Variants in SIRPA observed in about 807,000 individuals in gnomAD.
SIRPA encodes the protein tyrosine-protein phosphatase non-receptor type substrate 1.
Under a neutral mutation model 50.3 loss-of-function variants are expected in SIRPA, and 9 were observed. The observed-to-expected ratio is 0.18, with a 90% CI of 0.11 to 0.31. The LOEUF is 0.31. Ranked by LOEUF, SIRPA falls within the 10% of genes least tolerant of loss-of-function variation. SIRPA has a pLI of 1.00. For synonymous variants in SIRPA, 265 were observed against 284.1 expected, an observed-to-expected ratio of 0.93 and a Z score of 0.68; for missense variants, 474 against 661.6, an observed-to-expected ratio of 0.72 and a Z score of 3.11.
At chr20:1,929,896 T>C (rs1986200862) in intron 6 of SIRPA, among the ~76,000 whole-genome samples, 1 of 152,156 alleles carries the variant, frequency 6.6e-6, no homozygotes, top group African/African-American at 2.4e-5. Context: ...CTGAGGCTCC[T>C]GGGCCCCTTG....
chr20:1,936,054 C>T lies in SIRPA; in HGVS notation c.1267-1266C>T, dbSNP rs1266065784. Among the ~76,000 whole-genome samples the T allele has an allele frequency of 6.6e-6, 1 of 152,064 alleles. No individual in the cohort carries two copies. The highest frequency in any genetic ancestry group is 1.5e-5 in the Non-Finnish European group (1 of 68,036). ...AGTGGAATAGATAATCCTTCCCAAGCAGGGTTGTGGTAAGAGTGGATGGGG... is the reference window on the plus strand; with the variant it reads ...AGTGGAATAGATAATCCTTCCCAAGTAGGGTTGTGGTAAGAGTGGATGGGG... On this transcript the variant is annotated intron_variant, in intron 7 of 7. Coordinates refer to ENST00000358771, the MANE Select transcript of SIRPA (RefSeq NM_001040023.2). The surrounding 1 kb of genome is among the most constrained non-coding windows in gnomAD (Gnocchi z 4.2).
chr20:1,905,490 C>CT (rs1984492052), intron 1 of SIRPA, among the ~76,000 whole-genome samples: 1 of 152,220 alleles, frequency 6.6e-6, no homozygotes. Context: ...GTTATCTGGC[C>CT]TAACCCATGC....
chr20:1,935,669 T>TG (rs1324588038), intron 7 of SIRPA, among the ~76,000 whole-genome samples: 4 of 152,204 alleles, frequency 2.6e-5, no homozygotes, highest in Admixed American at 1.3e-4. Context: ...TGGAATCTTC[T>TG]GGGGGAAAAA....
At chr20:1,903,011 CAAAAAAAAAAAA>C (rs58735842) in intron 1 of SIRPA, among the ~76,000 whole-genome samples, 1 of 90,888 alleles carries the variant, frequency 1.1e-5, no homozygotes, top group African/African-American at 4.2e-5. Flanking sequence ...GACTCTGTCT[CAAAAAAAAAAAA>C]AAAAAAAAAG....
At chr20:1,917,201 C>T (rs984588400) in intron 2 of SIRPA, among the ~76,000 whole-genome samples, 1 of 152,110 alleles carries the variant, frequency 6.6e-6, no homozygotes, top group Admixed American at 6.6e-5. Context: ...GGCACTTTCT[C>T]CTTTTATAAC....
At chr20:1,896,425 C>T (rs1437342778) in intron 1 of SIRPA, among the ~76,000 whole-genome samples, 1 of 119,030 alleles carries the variant, frequency 8.4e-6, no homozygotes, top group Non-Finnish European at 1.7e-5. Context: ...TTTGCAAAAC[C>T]ATGGGTCTCC....
intron 4 of SIRPA, among the ~76,000 whole-genome samples, chr20:1,922,893 GA>G (rs1180422746): frequency 1.3e-5 from 2 of 152,168 alleles, no homozygotes; most frequent in Non-Finnish European, 2.9e-5. Flanking sequence ...AAGAGGGAGA[GA>G]GGGGGCCCAT....
chr20:1,919,641 C>T (rs369819452), intron 2 of SIRPA, among the ~76,000 whole-genome samples: 2 of 152,064 alleles, frequency 1.3e-5, no homozygotes, highest in African/African-American at 4.8e-5. Flanking sequence ...AATTCGGCCC[C>T]AGAACCCTCC....
chr20:1,922,439 C>G lies in SIRPA; in HGVS notation c.881C>G (p.Ser294Cys). 1.2e-6 allele frequency: 2 copies of G among 1,614,244 alleles called. No individual in the cohort carries two copies. Among genetic ancestry groups the G allele is most frequent in the Non-Finnish European group, 1.7e-6 (2 of 1,180,046 alleles). The change falls in exon 4 of 8, where the codon TCC becomes TGC. Residue 294 changes from serine to cysteine, a missense_variant. Ser to Cys is a moderately radical substitution (Grantham distance 112). Coordinates refer to ENST00000358771, the MANE Select transcript of SIRPA (RefSeq NM_001040023.2). ...QLTWLENGNV[S>C]RTETASTVTE... ...ACCTGGTTGGAGAATGGAAACGTGTCCCGGACAGAAACGGCCTCAACCGTT... is the reference window on the plus strand; with the variant it reads ...ACCTGGTTGGAGAATGGAAACGTGTGCCGGACAGAAACGGCCTCAACCGTT...
intron 1 of SIRPA, among the ~76,000 whole-genome samples, chr20:1,909,049 T>G (rs1045603454): frequency 9.9e-5 from 15 of 152,130 alleles, no homozygotes; most frequent in Admixed American, 9.8e-4. Flanking sequence ...CTGCTATAAG[T>G]GCGGGGTGGA....
chr20:1,906,648 C>T (rs896263338), intron 1 of SIRPA, among the ~76,000 whole-genome samples: 1 of 152,142 alleles, frequency 6.6e-6, no homozygotes, highest in African/African-American at 2.4e-5. Flanking sequence ...CTGGGTTTCA[C>T]TCTGAGTGCA....
chr20:1,918,122 AG>A (rs1325071915), intron 2 of SIRPA, among the ~76,000 whole-genome samples: 1 of 152,180 alleles, frequency 6.6e-6, no homozygotes, highest in African/African-American at 2.4e-5. Flanking sequence ...CAGAGTGGAA[AG>A]GATTTGAGTT....
rs144842110 is a variant in SIRPA at position 1,935,810 on chromosome 20, G to A, written c.1266+1056G>A. On this transcript the variant is annotated intron_variant, in intron 7 of 7. Transcript: ENST00000358771. Reference sequence around the variant, plus strand: ...ACAGCCCAGCTGGCAGAGTGCCTGCGATTCCAGTGCCAGGTGCCAGCCCTG... The same window carrying A: ...ACAGCCCAGCTGGCAGAGTGCCTGCAATTCCAGTGCCAGGTGCCAGCCCTG... 8.2e-3 allele frequency among the ~76,000 whole-genome samples: 1,251 copies of A among 152,302 alleles called. 9 individuals carry two copies. The highest frequency in any genetic ancestry group is 0.013 in the Non-Finnish European group (878 of 68,016).
chr20:1,894,768 G>C (rs949609909), upstream of SIRPA: 4 of 147,912 alleles, frequency 2.7e-5, no homozygotes, highest in Non-Finnish European at 4.5e-5. This position sits in a 1 kb window ranked among gnomAD's most constrained non-coding sequence, Gnocchi z 4.0. Context: ...CCCCCGGGGC[G>C]CGCAGGCGGG....
At position 1,936,787 on chromosome 20, in the gene SIRPA, C is replaced by G. The variant is rs528152276; in HGVS notation, c.1267-533C>G. On this transcript the variant is annotated intron_variant, in intron 7 of 7. Coordinates refer to ENST00000358771, the MANE Select transcript of SIRPA (RefSeq NM_001040023.2). The surrounding 1 kb of genome is among the most constrained non-coding windows in gnomAD (Gnocchi z 4.2). Reference sequence around the variant, plus strand: ...CCACCATCAGCAGCACCTCCTCAGGCCCCCAAACAGACATGGTCCTGGGTA... The same window carrying G: ...CCACCATCAGCAGCACCTCCTCAGGGCCCCAAACAGACATGGTCCTGGGTA... Among the ~76,000 whole-genome samples, 1 of 152,212 alleles carries G rather than the reference C, an allele frequency of 6.6e-6. No individual in the cohort carries two copies. Among genetic ancestry groups the G allele is most frequent in the Non-Finnish European group, 1.5e-5 (1 of 68,038 alleles).
At chr20:1,904,144 A>G (rs931482702) in intron 1 of SIRPA, among the ~76,000 whole-genome samples, 2 of 152,176 alleles carry the variant, frequency 1.3e-5, no homozygotes, top group Non-Finnish European at 2.9e-5. Context: ...GGCCGGGATC[A>G]TACCACAATT....
upstream of SIRPA, among the ~76,000 whole-genome samples, chr20:1,895,017 C>T (rs1283612483): frequency 1.3e-5 from 2 of 148,848 alleles, no homozygotes; most frequent in African/African-American, 4.9e-5. Context: ...CCGTGCTGCC[C>T]CTCGCCCCTG....
In SIRPA at chr20:1,921,706, A is replaced by G. The variant is rs373611629; in HGVS notation, c.748A>G (p.Ile250Val). ...TGGGACTGCCAACTTGTCTGAGACC[A>G]TCCGAGGTAGAAGACCCTCACCCAG... ...LRGTANLSET[I>V]RVPPTLEVTQ... The change falls in exon 3 of 8, where the codon ATC becomes GTC. Residue 250 changes from isoleucine (I) to valine (V), a missense_variant. By Grantham distance (29) the Ile-to-Val change is conservative. Around this residue, in one of 4 missense-constraint regions of SIRPA, gnomAD observed 221 missense variants for 359.9 expected, o/e 0.61. Coordinates refer to ENST00000358771, the MANE Select transcript of SIRPA (RefSeq NM_001040023.2). 16 of 1,613,974 alleles carry G rather than the reference A, an allele frequency of 9.9e-6. No individual in the cohort carries two copies. The highest frequency in any genetic ancestry group is 2.2e-5 in the East Asian group (1 of 44,890).
chr20:1,905,712 C>T (rs1426120916), intron 1 of SIRPA, among the ~76,000 whole-genome samples: 1 of 152,240 alleles, frequency 6.6e-6, no homozygotes, highest in Non-Finnish European at 1.5e-5. Flanking sequence ...CCTGCTCTCT[C>T]AGCCTCTGCC....
Sources: allele counts gnomAD v4.1 joint callset (sites outside exome capture counted in the v4.1 genomes callset), GRCh38; gene constraint gnomAD v4.1.1; regional missense constraint gnomAD v4.1.1; non-coding constraint Gnocchi (gnomAD v3.1); transcripts MANE v1.5; gene names NCBI Gene and HGNC (gene_info 2026-07-23, HGNC 2026-07-21).